Variants in CSMD3 observed in about 807,000 individuals in gnomAD.
CSMD3 encodes CUB and Sushi multiple domains 3.
In CSMD3, 177 loss-of-function variants were observed where a neutral mutation model predicts 435.2. The observed-to-expected ratio is 0.41, with a 90% CI of 0.36 to 0.46. CSMD3 has a LOEUF of 0.46. Among genes scored for constraint, CSMD3 ranks in the 20% least tolerant of loss-of-function variants. The pLI is 0.34. For synonymous variants in CSMD3, 1,656 were observed against 1,520.5 expected (o/e 1.09, Z -2.07); for missense variants, 4,265 against 4,504.6 (o/e 0.95, Z 1.52).
At chr8:112,573,430 G>T (rs2131300175) in intron 24 of CSMD3, 71 bp downstream of exon 24, 3 of 1,181,462 alleles carry the variant, frequency 2.5e-6, no homozygotes, top group Non-Finnish European at 3.8e-6. Flanking sequence ...ATTTCAATTT[G>T]TGCAATGTAA....
Position 112,341,623 on chromosome 8 carries a change from C to G in CSMD3, c.6506G>C (p.Ser2169Thr), listed in dbSNP as rs1422994873. 6.2e-7 allele frequency: 1 copy of G among 1,613,212 alleles called. No individual in the cohort carries two copies. The highest frequency in any genetic ancestry group is 8.5e-7 in the Non-Finnish European group (1 of 1,179,358). ...ETIHDYLEVR[S>T]GSSETSTVIG... ...AACAGTACTAGTTTCTGAGGATCCA[C>G]TTCGTACTTCCAAATAATCATGTAT... Residue 2169 changes from serine (S) to threonine (T), a missense_variant, in exon 42 of 71, where the codon AGT (serine) becomes ACT (threonine). Physicochemically the swap from Ser to Thr is moderately conservative, Grantham distance 58. This residue lies in a region of CSMD3 where 3,255 missense variants were observed against 3,380.2 expected (regional missense o/e 0.96). Coordinates refer to ENST00000297405, the MANE Select transcript of CSMD3 (RefSeq NM_198123.2).
At chr8:113,423,180 TG>T (rs1197062351) in intron 1 of CSMD3, among the ~76,000 whole-genome samples, 5 of 152,122 alleles carry the variant, frequency 3.3e-5, no homozygotes, top group Non-Finnish European at 7.4e-5. Flanking sequence ...TTTCCACTTG[TG>T]GAATCATGTC....
chr8:112,287,571 C>G (rs1254492457), intron 57 of CSMD3, among the ~76,000 whole-genome samples: 1 of 152,074 alleles, frequency 6.6e-6, no homozygotes, highest in East Asian at 1.9e-4. Context: ...ACTATGAACT[C>G]AAATGACAAC....
chr8:113,356,073 C>T (rs1346385971), intron 1 of CSMD3, among the ~76,000 whole-genome samples: 6 of 151,828 alleles, frequency 4.0e-5, no homozygotes, highest in Non-Finnish European at 8.8e-5. Flanking sequence ...GTTACACCCT[C>T]CCATGCATGG....
intron 5 of CSMD3, among the ~76,000 whole-genome samples, chr8:113,078,445 C>G (rs752071222): frequency 6.6e-6 from 1 of 152,058 alleles, no homozygotes; most frequent in African/African-American, 2.4e-5. Context: ...ACATGAAACA[C>G]GTTCTATGCT....
chr8:113,042,341 A>G (rs1172016534), intron 5 of CSMD3, among the ~76,000 whole-genome samples: 3 of 152,166 alleles, frequency 2.0e-5, no homozygotes, highest in African/African-American at 7.2e-5. Context: ...TACCAGATAG[A>G]CAGCAAAAGT....
chr8:113,378,082 G>A (rs2094397220), intron 1 of CSMD3, among the ~76,000 whole-genome samples: 1 of 152,008 alleles, frequency 6.6e-6, no homozygotes, highest in Non-Finnish European at 1.5e-5. Flanking sequence ...GTTCCATTAT[G>A]AGATTAATAA....
At chr8:112,391,483 G>A (rs1830408348) in intron 35 of CSMD3, among the ~76,000 whole-genome samples, 1 of 152,050 alleles carries the variant, frequency 6.6e-6, no homozygotes, top group Non-Finnish European at 1.5e-5. Flanking sequence ...CACCAGGTCG[G>A]GAGTTCGAGA....
chr8:113,409,907 C>G (rs746851017), intron 1 of CSMD3, among the ~76,000 whole-genome samples: 1 of 150,832 alleles, frequency 6.6e-6, no homozygotes, highest in Non-Finnish European at 1.5e-5. Context: ...AAGTGACTCT[C>G]TAGACCTGGG....
At chr8:112,540,214 C>T (rs1826527752) in intron 27 of CSMD3, among the ~76,000 whole-genome samples, 3 of 151,566 alleles carry the variant, frequency 2.0e-5, no homozygotes, top group South Asian at 2.1e-4. Flanking sequence ...CAGGGAAATG[C>T]GAATCAAAAC....
intron 37 of CSMD3, 50 bp from the exon 38 acceptor site, chr8:112,380,506 T>C: frequency 1.1e-6 from 1 of 922,846 alleles, no homozygotes; most frequent in Middle Eastern, 2.2e-4. Flanking sequence ...ATAAGTACTA[T>C]AATAAAATTA....
intron 2 of CSMD3, among the ~76,000 whole-genome samples, chr8:113,289,686 A>G (rs967151256): frequency 5.3e-5 from 8 of 151,704 alleles, no homozygotes; most frequent in Non-Finnish European, 1.2e-4. Flanking sequence ...CATTTCAAAG[A>G]TATCTATCAG....
chr8:113,275,507 A>G (rs2093562970), intron 3 of CSMD3, among the ~76,000 whole-genome samples: 1 of 152,120 alleles, frequency 6.6e-6, no homozygotes, highest in African/African-American at 2.4e-5. Flanking sequence ...AAGCTGATGC[A>G]TGTGGTTCAG....
chr8:112,642,126 C>T (rs1586869844), intron 20 of CSMD3, among the ~76,000 whole-genome samples: 1 of 151,958 alleles, frequency 6.6e-6, no homozygotes, highest in Admixed American at 6.6e-5. Flanking sequence ...GTCAAAATAG[C>T]GTTAATATCT....
chr8:112,624,802 A>G (rs1834349792), intron 22 of CSMD3, among the ~76,000 whole-genome samples: 1 of 152,024 alleles, frequency 6.6e-6, no homozygotes, highest in East Asian at 1.9e-4. Flanking sequence ...AAAATTCTCT[A>G]AAGATATGAG....
At chr8:112,734,775 GATAAATGCTATAT>G (rs2077150460) in intron 13 of CSMD3, among the ~76,000 whole-genome samples, 1 of 151,786 alleles carries the variant, frequency 6.6e-6, no homozygotes, top group Admixed American at 6.6e-5. Context: ...AGTTACATTT[GATAAATGCTATAT>G]AAGAATAGGT....
At chr8:112,445,501 T>G (rs2167776) in intron 32 of CSMD3, among the ~76,000 whole-genome samples, 1 of 151,722 alleles carries the variant, frequency 6.6e-6, no homozygotes, top group Non-Finnish European at 1.5e-5. Flanking sequence ...AGTGGGAGCT[T>G]GGTGGGGGAA....
chr8:112,484,021 C>T (rs755280150), intron 31 of CSMD3, among the ~76,000 whole-genome samples: 6 of 152,102 alleles, frequency 3.9e-5, no homozygotes, highest in Non-Finnish European at 7.4e-5. Flanking sequence ...CTCTATTTTT[C>T]TTTAACTCTT....
chr8:112,557,814 G>A (rs1439993807), intron 24 of CSMD3, among the ~76,000 whole-genome samples: 3 of 151,860 alleles, frequency 2.0e-5, no homozygotes, highest in Non-Finnish European at 4.4e-5. Context: ...GTGAGTAAAT[G>A]TTTCCCTGAG....
Sources: allele counts gnomAD v4.1 joint callset (sites outside exome capture counted in the v4.1 genomes callset), GRCh38; gene constraint gnomAD v4.1.1; regional missense constraint gnomAD v4.1.1; transcripts MANE v1.5; gene names NCBI Gene and HGNC (gene_info 2026-07-23, HGNC 2026-07-21).